The following SOX5 variants were observed in gnomAD, a reference collection of about 807,000 sequenced individuals.
SOX5 encodes the protein transcription factor SOX-5.
A neutral mutation model predicts 92.0 loss-of-function variants in SOX5; 9 were observed. That is an observed-to-expected ratio of 0.10 (90% CI 0.06 to 0.17). SOX5 has a LOEUF of 0.17. Ranked by LOEUF, SOX5 falls within the 10% of genes least tolerant of loss-of-function variation. The pLI is 1.00. For synonymous variants in SOX5, 344 were observed against 336.3 expected, an observed-to-expected ratio of 1.02 and a Z score of -0.25; for missense variants, 642 against 944.5, an observed-to-expected ratio of 0.68 and a Z score of 4.20.
chr12:24,272,503 G>A (rs1943889508), intron 3 of SOX5, among the ~76,000 whole-genome samples: 1 of 152,058 alleles, frequency 6.6e-6, no homozygotes, highest in South Asian at 2.1e-4. Context: ...TATCTTTGCT[G>A]TATGTATTTT....
At chr12:23,951,643 AAT>A (rs1186661627), upstream of SOX5, among the ~76,000 whole-genome samples, 1 of 83,276 alleles carries the variant, frequency 1.2e-5, no homozygotes, top group East Asian at 2.7e-4. Context: ...ATGTTCTAAA[AAT>A]ATATATATAC....
At chr12:23,874,797 T>C (rs1020592542) in intron 2 of SOX5, among the ~76,000 whole-genome samples, 2 of 152,122 alleles carry the variant, frequency 1.3e-5, no homozygotes, top group Admixed American at 1.3e-4. Context: ...ATTAGTCTCA[T>C]AAATCATGAA....
At chr12:23,815,936 T>C (rs934802982) in intron 3 of SOX5, among the ~76,000 whole-genome samples, 2 of 152,206 alleles carry the variant, frequency 1.3e-5, no homozygotes, top group Non-Finnish European at 2.9e-5. Context: ...ATTGTAGCGT[T>C]ACATTACATT....
chr12:23,994,022 G>A (rs1043458942), intron 4 of SOX5, among the ~76,000 whole-genome samples: 1 of 152,036 alleles, frequency 6.6e-6, no homozygotes, highest in African/African-American at 2.4e-5. Context: ...GCTGAGATGG[G>A]AGAATCATTT....
At chr12:23,550,062 A>G (rs1286156042) in intron 11 of SOX5, among the ~76,000 whole-genome samples, 1 of 151,950 alleles carries the variant, frequency 6.6e-6, no homozygotes, top group Non-Finnish European at 1.5e-5. Context: ...AGACTTGCAT[A>G]ATGCAAAACA....
chr12:23,621,686 C>T (rs1006650444), intron 8 of SOX5, among the ~76,000 whole-genome samples: 1 of 151,880 alleles, frequency 6.6e-6, no homozygotes, highest in Non-Finnish European at 1.5e-5. Context: ...CAACATACAC[C>T]CAGCTTTGGA....
intron 4 of SOX5, among the ~76,000 whole-genome samples, chr12:24,192,560 GAATTC>G (rs1304298239): frequency 3.3e-5 from 5 of 152,024 alleles, no homozygotes; most frequent in African/African-American, 1.2e-4. Context: ...ATGAAATATC[GAATTC>G]AAAACCTAGC....
At chr12:23,822,079 T>C (rs1030885343) in intron 3 of SOX5, among the ~76,000 whole-genome samples, 3 of 152,214 alleles carry the variant, frequency 2.0e-5, no homozygotes, top group Non-Finnish European at 4.4e-5. Context: ...AACCAGCTCC[T>C]AGATTCATTG....
intron 4 of SOX5, among the ~76,000 whole-genome samples, chr12:24,213,102 T>G (rs531621331): frequency 1.3e-5 from 2 of 152,288 alleles, no homozygotes; most frequent in South Asian, 4.1e-4. Flanking sequence ...TTCAGGCATC[T>G]ATGTAACTTA....
intron 8 of SOX5, among the ~76,000 whole-genome samples, chr12:23,624,836 C>G (rs1271714307): frequency 6.6e-6 from 1 of 152,132 alleles, no homozygotes; most frequent in African/African-American, 2.4e-5. Context: ...ACAAAAGATA[C>G]AAATGCAACA....
intron 7 of SOX5, among the ~76,000 whole-genome samples, chr12:23,649,387 C>T (rs968463419): frequency 1.3e-5 from 2 of 152,044 alleles, no homozygotes; most frequent in Non-Finnish European, 2.9e-5. Context: ...GTAAATACCT[C>T]ATGAGATTCA....
chr12:23,784,410 T>G (rs961588819), intron 3 of SOX5, among the ~76,000 whole-genome samples: 1 of 152,174 alleles, frequency 6.6e-6, no homozygotes, highest in Non-Finnish European at 1.5e-5. Context: ...CACTGCAGGT[T>G]CCGCCTCCCG....
chr12:23,719,564 A>G (rs1036006642), intron 6 of SOX5, among the ~76,000 whole-genome samples: 3 of 152,068 alleles, frequency 2.0e-5, no homozygotes, highest in African/African-American at 4.8e-5. Flanking sequence ...TGGGCAACAT[A>G]GGGAGGGTCC....
At chr12:23,750,338 C>T (rs1339838259) in intron 4 of SOX5, among the ~76,000 whole-genome samples, 1 of 151,760 alleles carries the variant, frequency 6.6e-6, no homozygotes, top group African/African-American at 2.4e-5. Flanking sequence ...AAGTGGCAGG[C>T]AATAAATCAT....
intron 2 of SOX5, among the ~76,000 whole-genome samples, chr12:24,286,703 G>A (rs1945908337): frequency 6.6e-6 from 1 of 152,024 alleles, no homozygotes; most frequent in South Asian, 2.1e-4. Flanking sequence ...GCATCTGGCA[G>A]GATTATGGGG....
At chr12:23,730,673 A>T (rs2140836414) in intron 6 of SOX5, among the ~76,000 whole-genome samples, 1 of 152,332 alleles carries the variant, frequency 6.6e-6, no homozygotes, top group African/African-American at 2.4e-5. Flanking sequence ...TTTTAAAGAA[A>T]TAAAAATAGT....
intron 4 of SOX5, among the ~76,000 whole-genome samples, chr12:23,997,187 A>G (rs1443262221): frequency 6.6e-6 from 1 of 152,158 alleles, no homozygotes; most frequent in African/African-American, 2.4e-5. Context: ...AGTCTGTGGC[A>G]TTGCATCCTT....
At chr12:24,379,771 C>T (rs536683545) in intron 1 of SOX5, among the ~76,000 whole-genome samples, 12 of 151,566 alleles carry the variant, frequency 7.9e-5, no homozygotes, top group African/African-American at 2.9e-4. Flanking sequence ...CCTTGTATTC[C>T]TTTACCCAAC....
chr12:24,210,378 T>A lies in SOX5; in HGVS notation c.-2+2965A>T, dbSNP rs188538899. On this transcript the variant is annotated intron_variant, in intron 4 of 4. Coordinates refer to the SOX5 transcript ENST00000446891. ...GTTTCAGAGCTGCCTCCAGAATTCA[T>A]GCCTGCTAATTCATACTAAATTGAT... 2.0e-5 allele frequency among the ~76,000 whole-genome samples: 3 copies of A among 152,360 alleles called. No homozygotes were observed. The East Asian group carries it at 5.8e-4, about 29-fold the overall frequency.
Sources: gnomAD v4.1 joint callset for allele counts (sites outside exome capture counted in the v4.1 genomes callset) on GRCh38, gnomAD v4.1.1 for gene constraint, MANE v1.5 for transcripts, NCBI Gene and HGNC (gene_info 2026-07-23, HGNC 2026-07-21) for gene names.